The following RAPGEF2 variants were observed in gnomAD, a reference collection of about 807,000 sequenced individuals.
The protein encoded by RAPGEF2 is Rap guanine nucleotide exchange factor 2.
Under a neutral mutation model 186.7 loss-of-function variants are expected in RAPGEF2, and 54 were observed. The observed-to-expected ratio is 0.29, with a 90% CI of 0.23 to 0.36. The LOEUF (loss-of-function observed/expected upper bound fraction) is 0.36. RAPGEF2 is among the 10% of genes least tolerant of loss of function. The pLI is 1.00. For synonymous variants in RAPGEF2, 712 were observed against 705.9 expected, an observed-to-expected ratio of 1.01 and a Z score of -0.14; for missense variants, 1,532 against 2,045.0, an observed-to-expected ratio of 0.75 and a Z score of 4.84.
chr4:159,137,709 C>CAAAAA (rs35501594), intron 1 of RAPGEF2, among the ~76,000 whole-genome samples: 9 of 122,204 alleles, frequency 7.4e-5, no homozygotes, highest in East Asian at 2.4e-4. Context: ...AAAATAAATG[C>CAAAAA]AAAAAAAAAA....
intron 11 of RAPGEF2, among the ~76,000 whole-genome samples, chr4:159,325,058 T>A (rs1423122642): frequency 6.6e-6 from 1 of 152,198 alleles, no homozygotes; most frequent in Non-Finnish European, 1.5e-5. Flanking sequence ...ATCACTCATT[T>A]AAATATTCAT....
chr4:159,331,245 A>G (rs934100066), intron 13 of RAPGEF2, among the ~76,000 whole-genome samples, 186 bp from the exon 14 acceptor site: 3 of 152,328 alleles, frequency 2.0e-5, no homozygotes, highest in East Asian at 1.9e-4. Flanking sequence ...CATGAAGTCT[A>G]TATTCAAAGT....
chr4:159,126,721 C>A (rs1266781330), intron 1 of RAPGEF2, among the ~76,000 whole-genome samples: 1 of 152,124 alleles, frequency 6.6e-6, no homozygotes, highest in Non-Finnish European at 1.5e-5. Flanking sequence ...GTCATAATTT[C>A]AGTTTCCCTT....
At chr4:159,288,307 T>C (rs543754623) in intron 7 of RAPGEF2, among the ~76,000 whole-genome samples, 2 of 152,346 alleles carry the variant, frequency 1.3e-5, no homozygotes, top group African/African-American at 4.8e-5. Context: ...AAGCCAGTAC[T>C]AAAGTATTGT....
At chr4:159,276,846 CA>C (rs142123813) in intron 7 of RAPGEF2, among the ~76,000 whole-genome samples, 40 of 147,398 alleles carry the variant, frequency 2.7e-4, no homozygotes, top group Admixed American at 1.3e-3. Context: ...GAAGTTTTTT[CA>C]AAAAAAAAAG....
intron 1 of RAPGEF2, among the ~76,000 whole-genome samples, chr4:159,150,232 G>A (rs920483982): frequency 1.3e-5 from 2 of 152,112 alleles, no homozygotes; most frequent in Non-Finnish European, 2.9e-5. Flanking sequence ...AGCGAATAAT[G>A]AACCATTGCT....
intron 1 of RAPGEF2, among the ~76,000 whole-genome samples, chr4:159,105,965 A>G (rs1390418753): frequency 6.6e-6 from 1 of 152,218 alleles, no homozygotes; most frequent in Non-Finnish European, 1.5e-5. Context: ...AAAACCTACT[A>G]TCAGGTTGGG....
chr4:159,341,693 G>A lies in RAPGEF2; in HGVS notation c.2664G>A (p.Met888Ile), dbSNP rs1198809465. Residue 888 changes from methionine to isoleucine, a missense_variant, in exon 20 of 30, where the codon ATG (methionine) becomes ATA (isoleucine). Physicochemically the swap from Met to Ile is conservative, Grantham distance 10. Transcript: ENST00000691494. ...STVEVATQLS[M>I]RNFELFRNIE... ...TGGAAGTTGCAACACAGCTCTCTATGCGAAATTTTGAACTCTTTCGCAACA... is the reference window on the plus strand; with the variant it reads ...TGGAAGTTGCAACACAGCTCTCTATACGAAATTTTGAACTCTTTCGCAACA... 1.2e-6 allele frequency: 2 copies of A among 1,613,932 alleles called. No individual in the cohort carries two copies. The highest frequency in any genetic ancestry group is 1.3e-5 in the African/African-American group (1 of 74,912).
intron 3 of RAPGEF2, among the ~76,000 whole-genome samples, chr4:159,199,078 A>AG (rs1305869393): frequency 6.8e-6 from 1 of 148,128 alleles, no homozygotes; most frequent in East Asian, 2.0e-4. Flanking sequence ...AAAAAAAAAA[A>AG]GTGAAACCAA....
intron 1 of RAPGEF2, among the ~76,000 whole-genome samples, chr4:159,184,573 AC>A (rs1198430271): frequency 6.6e-6 from 1 of 152,134 alleles, no homozygotes; most frequent in Non-Finnish European, 1.5e-5. Context: ...TCCTTTGCCC[AC>A]TTTTAATGGG....
At chr4:159,338,944 G>A (rs1767850981) in intron 18 of RAPGEF2, among the ~76,000 whole-genome samples, 170 bp from the exon 19 acceptor site, 2 of 152,334 alleles carry the variant, frequency 1.3e-5, no homozygotes, top group South Asian at 4.1e-4. Flanking sequence ...GTATGTTCTT[G>A]CAGCAAAACA....
At chr4:159,225,889 T>C (rs1561108057) in intron 4 of RAPGEF2, among the ~76,000 whole-genome samples, 2 of 152,332 alleles carry the variant, frequency 1.3e-5, no homozygotes, top group South Asian at 2.1e-4. Flanking sequence ...AATTATTTTG[T>C]TGGCTATGTT....
intron 1 of RAPGEF2, among the ~76,000 whole-genome samples, chr4:159,165,953 T>A (rs763588196): frequency 4.6e-5 from 7 of 152,112 alleles, no homozygotes; most frequent in African/African-American, 7.2e-5. Flanking sequence ...AAGATTTTTT[T>A]AAAAAGTCAT....
intron 4 of RAPGEF2, among the ~76,000 whole-genome samples, chr4:159,236,200 CTT>C (rs1407681186): frequency 6.6e-6 from 1 of 152,128 alleles, no homozygotes; most frequent in African/African-American, 2.4e-5. Flanking sequence ...GAACTCGAGT[CTT>C]TTTATGGTTG....
In RAPGEF2 at chr4:159,300,789, ATGCT is replaced by A. The variant is rs1762561007; in HGVS notation, c.544-3548_544-3545del. ...CTTAGAAAAAAGTTTAGAGTAAGGGATGCTTGCTGTCACGTTGTGCCTTGTATAT... is the reference window on the plus strand; with the variant it reads ...CTTAGAAAAAAGTTTAGAGTAAGGGATGCTGTCACGTTGTGCCTTGTATAT... On this transcript the variant is annotated intron_variant, in intron 7 of 29. Transcript: ENST00000691494. Among the ~76,000 whole-genome samples, 9 of 152,254 alleles carry A rather than the reference ATGCT, an allele frequency of 5.9e-5. No homozygotes were observed. In the South Asian group the frequency reaches 6.2e-4, roughly 11 times the overall value.
intron 1 of RAPGEF2, among the ~76,000 whole-genome samples, chr4:159,176,556 A>G (rs1329668137): frequency 6.6e-6 from 1 of 152,246 alleles, no homozygotes; most frequent in African/African-American, 2.4e-5. Context: ...TTACTTCAAT[A>G]TAACAGGTTT....
intron 7 of RAPGEF2, among the ~76,000 whole-genome samples, chr4:159,268,607 G>A (rs1251250127): frequency 6.6e-6 from 1 of 152,112 alleles, no homozygotes; most frequent in Non-Finnish European, 1.5e-5. Context: ...TGAGGAATTC[G>A]CATGTAGGTT....
chr4:159,247,034 T>G (rs1397815740), intron 7 of RAPGEF2, among the ~76,000 whole-genome samples: 1 of 152,184 alleles, frequency 6.6e-6, no homozygotes, highest in Non-Finnish European at 1.5e-5. Flanking sequence ...TTTTTATCCT[T>G]TTAAAACTTA....
chr4:159,125,771 A>T (rs1293344309), intron 1 of RAPGEF2, among the ~76,000 whole-genome samples: 18 of 151,258 alleles, frequency 1.2e-4, no homozygotes, highest in African/African-American at 3.7e-4. Context: ...AAAAAAAAAA[A>T]ATAATAATTC....
Sources: allele counts gnomAD v4.1 joint callset (sites outside exome capture counted in the v4.1 genomes callset), GRCh38; gene constraint gnomAD v4.1.1; transcripts MANE v1.5; gene names NCBI Gene and HGNC (gene_info 2026-07-23, HGNC 2026-07-21).